The following HMBOX1 variants were observed in gnomAD, a reference collection of about 807,000 sequenced individuals.
HMBOX1 encodes the protein homeobox-containing protein 1.
Under a neutral mutation model 54.5 loss-of-function variants are expected in HMBOX1, and 14 were observed. The observed-to-expected ratio is 0.26, with a 90% CI of 0.17 to 0.40. HMBOX1 has a LOEUF of 0.40. Among genes scored for constraint, HMBOX1 ranks in the 10% least tolerant of loss-of-function variants. The pLI is 1.00. For synonymous variants in HMBOX1, 160 were observed against 181.0 expected (o/e 0.88, Z 0.93); for missense variants, 332 against 514.4 (o/e 0.65, Z 3.43).
At chr8:28,945,018 T>G (rs190607525) in intron 1 of HMBOX1, among the ~76,000 whole-genome samples, 13 of 152,222 alleles carry the variant, frequency 8.5e-5, no homozygotes, top group African/African-American at 2.6e-4. Flanking sequence ...TTCTGCAAAC[T>G]CCCCCACTCA....
chr8:28,950,764 A>G (rs889976062), intron 1 of HMBOX1, among the ~76,000 whole-genome samples: 7 of 152,354 alleles, frequency 4.6e-5, no homozygotes, highest in African/African-American at 1.7e-4. Flanking sequence ...ATTTCCTAGC[A>G]TAGTTCAACA....
chr8:28,927,831 C>CAAAAAA (rs34952149), intron 1 of HMBOX1, among the ~76,000 whole-genome samples: 1 of 52,754 alleles, frequency 1.9e-5, no homozygotes, highest in Non-Finnish European at 3.2e-5. Flanking sequence ...AACTCAGTCT[C>CAAAAAA]AAAAAAAAAA....
intron 4 of HMBOX1, among the ~76,000 whole-genome samples, chr8:28,983,315 T>C (rs573991371): frequency 5.3e-5 from 8 of 152,328 alleles, no homozygotes; most frequent in Middle Eastern, 6.8e-3. Context: ...CTATTCAGTA[T>C]GCCCCCAGCT....
At chr8:28,936,799 TAAA>T (rs58487085) in intron 1 of HMBOX1, among the ~76,000 whole-genome samples, 6 of 128,990 alleles carry the variant, frequency 4.7e-5, no homozygotes, top group Admixed American at 2.4e-4. Context: ...ACCAGAGGGT[TAAA>T]AAAAAAAAAA....
At chr8:28,986,506 T>G (rs1206900672) in intron 4 of HMBOX1, among the ~76,000 whole-genome samples, 4 of 152,232 alleles carry the variant, frequency 2.6e-5, no homozygotes, top group African/African-American at 9.6e-5. Context: ...TCCTACCTAA[T>G]GGATTTTACC....
chr8:29,049,075 T>G, intron 9 of HMBOX1, 27 bp downstream of exon 9: 1 of 1,600,926 alleles, frequency 6.2e-7, no homozygotes, highest in Non-Finnish European at 8.6e-7. Context: ...CTGGGCGAGG[T>G]TCTTGGTGCC....
Position 28,900,851 on chromosome 8 carries a change from C to T in HMBOX1, c.-58+10173C>T, listed in dbSNP as rs114088292. On this transcript the variant is annotated intron_variant, in intron 1 of 9. Coordinates refer to ENST00000287701, the MANE Select transcript of HMBOX1 (RefSeq NM_001135726.3). ...ATATCAGCCATCTCTTGAACCTTTG[C>T]ACTCATGAATTAATTTCTCACCTTT... is the stretch of plus-strand genomic sequence containing the variant. 5.7e-3 allele frequency among the ~76,000 whole-genome samples: 870 copies of T among 152,142 alleles called. 4 individuals are homozygous for T. The highest frequency in any genetic ancestry group is 0.02 in the African/African-American group (845 of 41,508).
At chr8:28,956,690 T>A (rs2132189841) in intron 1 of HMBOX1, among the ~76,000 whole-genome samples, 1 of 152,328 alleles carries the variant, frequency 6.6e-6, no homozygotes, top group East Asian at 1.9e-4. Context: ...TCTATGCCAG[T>A]GCCATATTGA....
chr8:28,976,111 C>T (rs187477282), intron 3 of HMBOX1, among the ~76,000 whole-genome samples: 3 of 152,296 alleles, frequency 2.0e-5, no homozygotes, highest in African/African-American at 7.2e-5. Context: ...AATGACACAT[C>T]ACTGCTTGCC....
At chr8:28,895,769 C>T (rs1482092404) in intron 1 of HMBOX1, among the ~76,000 whole-genome samples, 7 of 152,008 alleles carry the variant, frequency 4.6e-5, no homozygotes, top group African/African-American at 1.7e-4. Context: ...GGATGAAGTT[C>T]TCACTCTTCA....
chr8:29,037,594 T>G (rs1214926026), intron 6 of HMBOX1, among the ~76,000 whole-genome samples: 1 of 152,248 alleles, frequency 6.6e-6, no homozygotes, highest in Non-Finnish European at 1.5e-5. Flanking sequence ...TCTACATATC[T>G]TTTTAAACAA....
At chr8:28,990,906 G>A (rs1204920082) in intron 4 of HMBOX1, among the ~76,000 whole-genome samples, 1 of 152,006 alleles carries the variant, frequency 6.6e-6, no homozygotes, top group Non-Finnish European at 1.5e-5. Flanking sequence ...TGCCCACCTC[G>A]GCCTCCCAAA....
intron 6 of HMBOX1, among the ~76,000 whole-genome samples, chr8:29,032,931 TAATC>T (rs1440433291): frequency 1.3e-5 from 2 of 152,192 alleles, no homozygotes; most frequent in Non-Finnish European, 1.5e-5. Context: ...TTGATAATAA[TAATC>T]AAAAGATTTA....
intron 1 of HMBOX1, among the ~76,000 whole-genome samples, chr8:28,944,117 A>G (rs905520774): frequency 2.6e-5 from 4 of 152,164 alleles, no homozygotes; most frequent in South Asian, 2.1e-4. Context: ...GATTTTTACA[A>G]TATTCAGTTC....
chr8:28,926,810 G>C (rs544329919), intron 1 of HMBOX1, among the ~76,000 whole-genome samples: 72 of 152,310 alleles, frequency 4.7e-4, no homozygotes, highest in Non-Finnish European at 8.5e-4. Context: ...CTCTTAAAGT[G>C]CTGGGATTAC....
intron 1 of HMBOX1, among the ~76,000 whole-genome samples, chr8:28,907,332 C>T (rs539881824): frequency 1.3e-5 from 2 of 152,316 alleles, no homozygotes; most frequent in South Asian, 4.1e-4. Flanking sequence ...CAGGGTAGAG[C>T]TCAGGTCACT....
chr8:28,955,168 T>C (rs1157941915), intron 1 of HMBOX1, among the ~76,000 whole-genome samples: 1 of 152,130 alleles, frequency 6.6e-6, no homozygotes, highest in Non-Finnish European at 1.5e-5. Context: ...ATTTGTTACA[T>C]GTATATATGT....
At chr8:28,975,385 G>C (rs1437262851) in intron 3 of HMBOX1, among the ~76,000 whole-genome samples, 1 of 152,238 alleles carries the variant, frequency 6.6e-6, no homozygotes, top group Non-Finnish European at 1.5e-5. Flanking sequence ...TCTTTGAATA[G>C]ATGACAGTTA....
rs1179813476 is a variant in HMBOX1 at position 29,009,115 on chromosome 8, A to T, written c.630A>T (p.Gly210=). Residue 210 remains glycine, a synonymous_variant, in exon 5 of 10, where the codon GGA becomes GGT. Coordinates refer to ENST00000287701, the MANE Select transcript of HMBOX1 (RefSeq NM_001135726.3). ...SRISHWLLQQ[G]SDLSEQKKRA... is the part of the protein sequence containing the mutation. ...TCTCTCATTGGCTGTTGCAGCAGGG[A>T]TCAGACCTGAGTGAACAGAAGAAAA... 2.5e-6 allele frequency: 4 copies of T among 1,613,736 alleles called. No individual in the cohort carries two copies. The South Asian group carries it at 4.4e-5, about 18-fold the overall frequency.
Sources: gnomAD v4.1 joint callset for allele counts (sites outside exome capture counted in the v4.1 genomes callset) on GRCh38, gnomAD v4.1.1 for gene constraint, MANE v1.5 for transcripts, NCBI Gene and HGNC (gene_info 2026-07-23, HGNC 2026-07-21) for gene names.